FRYL: variants seen among roughly 807,000 people sequenced by gnomAD.
FRYL encodes FRY like transcription coactivator, also known as protein furry homolog-like.
In FRYL, 150 loss-of-function variants were observed where a neutral mutation model predicts 351.2. The ratio of observed to expected loss-of-function variants is 0.43; its 90% CI spans 0.37 to 0.49. FRYL has a LOEUF of 0.49. FRYL is among the 20% of genes least tolerant of loss of function. The pLI, the probability that FRYL is intolerant of heterozygous loss-of-function variation, is 0.00. For synonymous variants in FRYL, 1,153 were observed against 1,257.1 expected (o/e 0.92, Z 1.75); for missense variants, 3,036 against 3,619.3 (o/e 0.84, Z 4.13).
chr4:48,558,223 T>G (rs1177533259), intron 33 of FRYL, among the ~76,000 whole-genome samples: 1 of 152,148 alleles, frequency 6.6e-6, no homozygotes, highest in Non-Finnish European at 1.5e-5. Flanking sequence ...TAGTGGAATA[T>G]TATGCACCCT....
intron 53 of FRYL, among the ~76,000 whole-genome samples, chr4:48,523,918 A>T (rs1430526114): frequency 6.6e-6 from 1 of 152,234 alleles, no homozygotes; most frequent in African/African-American, 2.4e-5. Flanking sequence ...TTTAAAATCA[A>T]GATCACAGCC....
At chr4:48,559,646 G>C (rs1378878762) in intron 33 of FRYL, among the ~76,000 whole-genome samples, 1 of 115,050 alleles carries the variant, frequency 8.7e-6, no homozygotes, top group African/African-American at 3.3e-5. Flanking sequence ...GAGAGGAAGA[G>C]GGAGGGAGGG....
rs539650201 is a variant in FRYL, at chr4:48,763,765, A to C, written c.-384+16313T>G. On this transcript the variant is annotated intron_variant, in intron 1 of 63. Coordinates refer to ENST00000358350, the MANE Select transcript of FRYL (RefSeq NM_015030.2). ...CCCACTCTTACTACTTCCACTCGAC[A>C]TGTACTAGAAGTCCATATAGGAAAG... Among the ~76,000 whole-genome samples, 11 of 152,326 alleles carry C rather than the reference A, an allele frequency of 7.2e-5. No individual in the cohort carries two copies. In the South Asian group the frequency reaches 2.3e-3, roughly 32 times the overall value.
intron 3 of FRYL, among the ~76,000 whole-genome samples, chr4:48,672,665 A>G (rs1762925543): frequency 6.6e-6 from 1 of 152,222 alleles, no homozygotes; most frequent in Non-Finnish European, 1.5e-5. Context: ...TGTGCTGCCC[A>G]GCAACCTTTT....
At chr4:48,688,936 T>C (rs1172857975) in intron 2 of FRYL, among the ~76,000 whole-genome samples, 1 of 152,138 alleles carries the variant, frequency 6.6e-6, no homozygotes, top group Non-Finnish European at 1.5e-5. Context: ...AGTGCTGGGA[T>C]TACAGTGTGA....
At chr4:48,736,849 CG>C (rs1560334030) in intron 1 of FRYL, among the ~76,000 whole-genome samples, 2 of 28,090 alleles carry the variant, frequency 7.1e-5, no homozygotes, top group African/African-American at 1.7e-4. Context: ...GACTCTGTCT[CG>C]AAAAAAAAAA....
At chr4:48,529,213 T>C (rs1043860022) in intron 50 of FRYL, among the ~76,000 whole-genome samples, 2 of 152,218 alleles carry the variant, frequency 1.3e-5, no homozygotes, top group African/African-American at 4.8e-5. Context: ...CCTTCTGTTC[T>C]ACCACCACCA....
chr4:48,710,696 A>C lies in FRYL; in HGVS notation c.-381T>G. On this transcript the variant is annotated splice_region_variant and 5_prime_UTR_variant, in exon 2 of 64. Coordinates refer to ENST00000358350, the MANE Select transcript of FRYL (RefSeq NM_015030.2). ...TGTGAAGCAGAATATGGAATGTTCT[A>C]GGCTGGAAGATTAAAAAATAGGAAA... 2.5e-6 allele frequency: 1 copy of C among 397,938 alleles called. No homozygotes were observed. Among genetic ancestry groups the C allele is most frequent in the Non-Finnish European group, 4.4e-6 (1 of 225,798 alleles). The allele number at this position is 397,938 out of a possible 1,614,324, so 24.7% of individuals were successfully genotyped here. A position where few individuals can be genotyped will look rare whatever the true frequency, so the allele number is the denominator to read the frequency against.
chr4:48,603,855 G>A (rs1746174341), intron 11 of FRYL, among the ~76,000 whole-genome samples: 1 of 152,130 alleles, frequency 6.6e-6, no homozygotes, highest in Non-Finnish European at 1.5e-5. Context: ...CTTGCCTTAG[G>A]ATGTCTACGC....
At chr4:48,730,224 T>C (rs1262117779) in intron 1 of FRYL, among the ~76,000 whole-genome samples, 2 of 151,780 alleles carry the variant, frequency 1.3e-5, no homozygotes, top group South Asian at 4.2e-4. Flanking sequence ...TCCAAGAAAA[T>C]ATGGGACTAT....
chr4:48,527,856 C>T (rs1726605475), intron 52 of FRYL, 115 bp downstream of exon 52: 11 of 1,011,878 alleles, frequency 1.1e-5, no homozygotes, highest in Non-Finnish European at 1.6e-5. Flanking sequence ...TTTTTTCATT[C>T]TGAGTTAATA....
intron 3 of FRYL, among the ~76,000 whole-genome samples, chr4:48,644,237 T>C (rs890380366): frequency 3.3e-5 from 5 of 152,156 alleles, no homozygotes; most frequent in Non-Finnish European, 7.4e-5. Flanking sequence ...CCACCGCGCC[T>C]GGCCAGCCCA....
chr4:48,503,629 C>T (rs6821456), intron 60 of FRYL, among the ~76,000 whole-genome samples: 150,520 of 152,334 alleles, frequency 0.99, 74,387 homozygotes, highest in East Asian at 1. Flanking sequence ...ATTGTTACAC[C>T]GTAAATGTAT....
At chr4:48,773,007 A>G (rs778338074) in intron 1 of FRYL, among the ~76,000 whole-genome samples, 3 of 152,246 alleles carry the variant, frequency 2.0e-5, no homozygotes, top group Admixed American at 6.5e-5. Flanking sequence ...CACCAGCATC[A>G]AAGTGTCTTA....
At chr4:48,514,986 G>A (rs767590095) in intron 56 of FRYL, 42 bp downstream of exon 56, 1 of 1,537,466 alleles carries the variant, frequency 6.5e-7, no homozygotes, top group South Asian at 1.2e-5. Flanking sequence ...ATAGGGGAGA[G>A]ATTATCCCCT....
chr4:48,561,663 A>G, intron 32 of FRYL, 27 bp from the exon 33 acceptor site: 1 of 1,561,626 alleles, frequency 6.4e-7, no homozygotes, highest in Non-Finnish European at 8.7e-7. Flanking sequence ...CCATCAACTT[A>G]GGTTAAGATT....
At chr4:48,663,795 A>G (rs1270279226) in intron 3 of FRYL, among the ~76,000 whole-genome samples, 4 of 150,928 alleles carry the variant, frequency 2.7e-5, no homozygotes, top group South Asian at 2.1e-4. Flanking sequence ...AAAAAAAAAA[A>G]AAGAGATCCC....
intron 1 of FRYL, among the ~76,000 whole-genome samples, chr4:48,739,702 T>A (rs1183577137): frequency 2.0e-5 from 3 of 152,182 alleles, no homozygotes; most frequent in African/African-American, 7.2e-5. Flanking sequence ...AGGAAACTGA[T>A]AAGCTGGTAT....
At chr4:48,620,009 T>A (rs1369233211) in intron 6 of FRYL, among the ~76,000 whole-genome samples, 1 of 152,228 alleles carries the variant, frequency 6.6e-6, no homozygotes, top group Non-Finnish European at 1.5e-5. Flanking sequence ...TGTTAAGAAC[T>A]GAAACAAAAG....
Sources: gnomAD v4.1 joint callset for allele counts (sites outside exome capture counted in the v4.1 genomes callset) on GRCh38, gnomAD v4.1.1 for gene constraint, MANE v1.5 for transcripts, NCBI Gene and HGNC (gene_info 2026-07-23, HGNC 2026-07-21) for gene names.